Variants in CHM observed in about 807,000 individuals in gnomAD.
CHM encodes the protein rab proteins geranylgeranyltransferase component A 1.
Under a neutral mutation model 49.0 loss-of-function variants are expected in CHM, and 10 were observed. That is an observed-to-expected ratio of 0.20 (90% CI 0.13 to 0.35). CHM has a LOEUF of 0.35. CHM is among the 10% of genes least tolerant of loss of function. The probability of loss-of-function intolerance (pLI) is 1.00; values close to 1 mark genes in which losing one functional copy is unlikely to be tolerated. For missense variants in CHM, 455 were observed against 478.4 expected (o/e 0.95, Z 0.46); for synonymous variants, 184 against 167.5 (o/e 1.10, Z -0.76).
chrX:86,010,334 C>T (rs1359911066), intron 2 of CHM, among the ~76,000 whole-genome samples: 57 of 102,919 alleles, frequency 5.5e-4, no homozygotes, highest in South Asian at 9.0e-4. Flanking sequence ...GCACATGTAC[C>T]CTAGAACTTA....
intron 12 of CHM, among the ~76,000 whole-genome samples, chrX:85,887,224 G>A (rs985416695): frequency 4.5e-5 from 5 of 110,281 alleles, no homozygotes; most frequent in South Asian, 3.9e-4. Flanking sequence ...TGGACCCAGC[G>A]GGAGGTAACT....
chrX:85,946,548 A>T (rs1472198592), intron 8 of CHM, among the ~76,000 whole-genome samples: 2 of 112,094 alleles, frequency 1.8e-5, no homozygotes, highest in African/African-American at 6.5e-5. Context: ...TATTGTGTTA[A>T]GACTCCAGGC....
At chrX:85,866,950 G>C (rs185040863) in intron 14 of CHM, among the ~76,000 whole-genome samples, 1 of 112,657 alleles carries the variant, frequency 8.9e-6, no homozygotes, top group East Asian at 2.8e-4. Context: ...TAGGCAGAAG[G>C]GACTTGACTT....
chrX:85,895,136 G>GT (rs527920499), intron 11 of CHM, among the ~76,000 whole-genome samples: 3,808 of 81,937 alleles, frequency 0.046, 107 homozygotes, highest in Non-Finnish European at 0.057. Flanking sequence ...GTTTTTTTTT[G>GT]TTTTTTTTTT....
At position 85,956,187 on chromosome X, in the gene CHM, A is replaced by G. The variant is rs773447025; in HGVS notation, c.1132T>C (p.Tyr378His). The change falls in exon 8 of 15, where the codon TAT (tyrosine) becomes CAT (histidine). Residue 378 changes from tyrosine (Y) to histidine (H), a missense_variant. Transcript: ENST00000357749. ...YGNTPFLFPL[Y>H]GQGELPQCFC... ...CACTGGGGGAGTTCTCCTTGGCCAT[A>G]TAAAGGAAACAAAAATGGAGTGTTG... 1.7e-6 allele frequency: 2 copies of G among 1,211,324 alleles called. No homozygotes were observed. The highest frequency in any genetic ancestry group is 4.4e-5 in the Admixed American group (2 of 45,947).
At chrX:85,888,058 G>C (rs772680787) in intron 12 of CHM, among the ~76,000 whole-genome samples, 1 of 112,070 alleles carries the variant, frequency 8.9e-6, no homozygotes, top group African/African-American at 3.2e-5. Context: ...ATGTAATGAG[G>C]AGCCAAATGT....
At chrX:85,933,021 G>A (rs1423508752) in intron 8 of CHM, among the ~76,000 whole-genome samples, 1 of 110,949 alleles carries the variant, frequency 9.0e-6, no homozygotes, top group African/African-American at 3.3e-5. Flanking sequence ...AATTTGTTAG[G>A]CATTTGAGAC....
At chrX:85,867,797 A>G (rs985071285) in intron 14 of CHM, among the ~76,000 whole-genome samples, 2 of 112,321 alleles carry the variant, frequency 1.8e-5, no homozygotes, top group East Asian at 5.5e-4. Flanking sequence ...ATAAGTAAAA[A>G]TGTCAAGATT....
intron 8 of CHM, among the ~76,000 whole-genome samples, chrX:85,924,350 C>A (rs767685214): frequency 3.6e-5 from 4 of 111,155 alleles, no homozygotes; most frequent in Non-Finnish European, 7.5e-5. Context: ...AGACTGGAGG[C>A]AGAAGGGAGG....
At chrX:86,024,766 C>T (rs1217636630) in intron 2 of CHM, among the ~76,000 whole-genome samples, 2 of 112,195 alleles carry the variant, frequency 1.8e-5, no homozygotes, top group African/African-American at 6.5e-5. Context: ...TTATCAAAAT[C>T]ATCTGAATAA....
At chrX:85,884,950 T>C (rs1199701316) in intron 12 of CHM, among the ~76,000 whole-genome samples, 1 of 111,117 alleles carries the variant, frequency 9.0e-6, no homozygotes, top group East Asian at 2.8e-4. Context: ...TAATGTTTTA[T>C]ATATTATACG....
intron 8 of CHM, among the ~76,000 whole-genome samples, chrX:85,955,849 C>T (rs1243354360): frequency 9.0e-6 from 1 of 111,318 alleles, no homozygotes; most frequent in Non-Finnish European, 1.9e-5. Flanking sequence ...GGTGTATTCA[C>T]AATAACATAC....
chrX:85,872,632 T>C (rs1924153285), intron 14 of CHM, among the ~76,000 whole-genome samples: 1 of 112,348 alleles, frequency 8.9e-6, no homozygotes, highest in African/African-American at 3.2e-5. Flanking sequence ...AAATTAATTT[T>C]ATAAGCCTTA....
intron 4 of CHM, among the ~76,000 whole-genome samples, chrX:85,977,736 G>C (rs1164983037): frequency 8.9e-6 from 1 of 112,024 alleles, no homozygotes; most frequent in African/African-American, 3.2e-5. Flanking sequence ...CTAGTGAGCT[G>C]TACCTTTTCA....
rs1034185437 is a variant in CHM, at chrX:85,943,357, G to A, written c.1166+12796C>T. ...TGAAAAAATGCTAACTATTCTAACC[G>A]CTACTGGGCTCCTCAGCATTAATGC... On this transcript the variant is annotated intron_variant, in intron 8 of 14. Coordinates refer to ENST00000357749, the MANE Select transcript of CHM (RefSeq NM_000390.4). Among the ~76,000 whole-genome samples, 6 of 111,955 alleles carry A rather than the reference G, an allele frequency of 5.4e-5. No homozygotes were observed. The East Asian group carries it at 8.4e-4, about 16-fold the overall frequency.
chrX:85,893,890 A>C (rs1925644075), intron 12 of CHM, among the ~76,000 whole-genome samples: 1 of 112,072 alleles, frequency 8.9e-6, no homozygotes, highest in African/African-American at 3.2e-5. Flanking sequence ...AACAATAAAA[A>C]AAATGTTATG....
chrX:85,920,279 G>GT (rs1927712489), intron 8 of CHM, among the ~76,000 whole-genome samples: 1 of 109,550 alleles, frequency 9.1e-6, no homozygotes, highest in Non-Finnish European at 1.9e-5. Context: ...CTATTTTTTA[G>GT]TAGAGACGGG....
chrX:85,949,467 T>C (rs1374042786), intron 8 of CHM, among the ~76,000 whole-genome samples: 1 of 110,721 alleles, frequency 9.0e-6, no homozygotes. Flanking sequence ...CAGGAGTGAG[T>C]AGCAAGTGGC....
chrX:85,871,236 G>A (rs753935918), intron 14 of CHM, among the ~76,000 whole-genome samples: 62 of 101,345 alleles, frequency 6.1e-4, no homozygotes, highest in Admixed American at 1.5e-3. Context: ...GAACCCAGGA[G>A]GGGGAGCTTG....
Sources: gnomAD v4.1 joint callset for allele counts (sites outside exome capture counted in the v4.1 genomes callset) on GRCh38, gnomAD v4.1.1 for gene constraint, MANE v1.5 for transcripts, NCBI Gene and HGNC (gene_info 2026-07-23, HGNC 2026-07-21) for gene names.